The following PPP1R37 variants were observed in gnomAD, a reference collection of about 807,000 sequenced individuals.
PPP1R37 encodes the protein protein phosphatase 1 regulatory subunit 37, also known as leucine rich repeat containing 68.
In PPP1R37, 21 loss-of-function variants were observed where a neutral mutation model predicts 61.0. The ratio of observed to expected loss-of-function variants is 0.34; its 90% CI spans 0.24 to 0.50. The LOEUF (loss-of-function observed/expected upper bound fraction) is 0.50. Ranked by LOEUF, PPP1R37 falls within the 20% of genes least tolerant of loss-of-function variation. The probability of loss-of-function intolerance (pLI) is 0.98; values close to 1 mark genes in which losing one functional copy is unlikely to be tolerated. For synonymous variants in PPP1R37, 443 were observed against 433.5 expected (o/e 1.02, Z -0.27); for missense variants, 910 against 952.7 (o/e 0.96, Z 0.59).
At chr19:45,132,360 C>T (rs1290793598) in intron 1 of PPP1R37, among the ~76,000 whole-genome samples, 1 of 151,714 alleles carries the variant, frequency 6.6e-6, no homozygotes, top group East Asian at 1.9e-4. Context: ...GGCTGGAGTA[C>T]AGCGACACAA....
chr19:45,105,590 GT>G (rs1223995921), intron 1 of PPP1R37, among the ~76,000 whole-genome samples: 1 of 152,136 alleles, frequency 6.6e-6, no homozygotes, highest in Non-Finnish European at 1.5e-5. Context: ...TGTGTCACAG[GT>G]GTCAGGGGCG....
Position 45,144,993 on chromosome 19 carries a change from A to G in PPP1R37, c.1127A>G (p.Glu376Gly). 2.0e-6 allele frequency: 3 copies of G among 1,534,314 alleles called. No individual in the cohort carries two copies. Among genetic ancestry groups the G allele is most frequent in the Non-Finnish European group, 2.6e-6 (3 of 1,146,144 alleles). Residue 376 changes from glutamate (E) to glycine (G), a missense_variant and splice_region_variant, in exon 9 of 13, where the codon GAG becomes GGG. Transcript: ENST00000221462. Reference sequence around the variant, plus strand: ...CTGGCCTCCACCAAGCTCACGTGCGAGGGTAGGGTACGGGGCCGGGCCAGG... The same window carrying G: ...CTGGCCTCCACCAAGCTCACGTGCGGGGGTAGGGTACGGGGCCGGGCCAGG... The part of the protein sequence containing the change: ...LGLASTKLTC[E>G]GAVAVAEFIA...
rs535439811 is a variant in PPP1R37, at chr19:45,121,793, C to T, written c.203-16721C>T. The stretch of plus-strand genomic sequence containing the variant: ...TGGGTTTGACTACATATCAGGCTGC[C>T]CTGGGGCCCCTTTCAGTAAAGATAC... On this transcript the variant is annotated intron_variant, in intron 1 of 12. Coordinates refer to ENST00000221462, the MANE Select transcript of PPP1R37 (RefSeq NM_019121.2). The surrounding 1 kb of genome is among the most constrained non-coding windows in gnomAD (Gnocchi z 4.2). Among the ~76,000 whole-genome samples the T allele has an allele frequency of 8.5e-5, 13 of 152,336 alleles. No homozygotes were observed. The highest frequency in any genetic ancestry group is 3.3e-4 in the Admixed American group (5 of 15,304).
chr19:45,102,192 A>T (rs115706725), intron 1 of PPP1R37, among the ~76,000 whole-genome samples: 3,343 of 151,878 alleles, frequency 0.022, 100 homozygotes, highest in African/African-American at 0.069. Context: ...ACCATCCCAA[A>T]CCCCTCTGGT....
intron 7 of PPP1R37, chr19:45,142,968 C>T (rs1262973999): frequency 6.0e-6 from 1 of 167,052 alleles, no homozygotes; most frequent in Non-Finnish European, 1.3e-5. Flanking sequence ...GGGGGTTGAG[C>T]AGAGAATGGG....
chr19:45,103,993 C>T (rs1021184754), intron 1 of PPP1R37, among the ~76,000 whole-genome samples: 1 of 152,108 alleles, frequency 6.6e-6, no homozygotes, highest in Non-Finnish European at 1.5e-5. Flanking sequence ...AACGCCCAGC[C>T]TCCTAGACAC....
intron 1 of PPP1R37, among the ~76,000 whole-genome samples, chr19:45,112,580 A>T (rs1968215216): frequency 6.6e-6 from 1 of 151,952 alleles, no homozygotes; most frequent in Non-Finnish European, 1.5e-5. Context: ...TGCGAACAAG[A>T]CTCACAGTCC....
rs1968336093 is a variant in PPP1R37 at position 45,121,026 on chromosome 19, AT to A, written c.203-17485del. On this transcript the variant is annotated intron_variant, in intron 1 of 12. Transcript: ENST00000221462. The surrounding 1 kb of genome is among the most constrained non-coding windows in gnomAD (Gnocchi z 4.2). ...CGTCCCCTGGAAAGTTGGGGAGATA[AT>A]TTCTATTTCTCAGGGCCATTAGGAA... 6.6e-6 allele frequency among the ~76,000 whole-genome samples: 1 copy of A among 151,670 alleles called. No individual in the cohort carries two copies. Among genetic ancestry groups the A allele is most frequent in the East Asian group, 1.9e-4 (1 of 5,192 alleles).
chr19:45,094,794 C>T (rs1967971220), intron 1 of PPP1R37, among the ~76,000 whole-genome samples: 1 of 151,290 alleles, frequency 6.6e-6, no homozygotes, highest in African/African-American at 2.4e-5. Flanking sequence ...TGGCCAGTAG[C>T]AGGTGAGAGA....
chr19:45,145,330 C>T (rs758030830), intron 10 of PPP1R37, 23 bp from the exon 11 acceptor site: 20 of 1,528,660 alleles, frequency 1.3e-5, no homozygotes, highest in African/African-American at 1.2e-4. Context: ...CCTGAGAGCC[C>T]TAGCCAGGCG....
At chr19:45,120,863 C>G (rs1968334007) in intron 1 of PPP1R37, among the ~76,000 whole-genome samples, 1 of 152,196 alleles carries the variant, frequency 6.6e-6, no homozygotes, top group Admixed American at 6.5e-5. Flanking sequence ...ATCCACCTGC[C>G]TCAGCCTTGG....
chr19:45,101,860 A>T (rs1442454708), intron 1 of PPP1R37, among the ~76,000 whole-genome samples: 8 of 152,198 alleles, frequency 5.3e-5, no homozygotes, highest in Admixed American at 5.2e-4. Flanking sequence ...GTAGCCTCAT[A>T]TTGGCTGATA....
intron 1 of PPP1R37, chr19:45,128,525 TGA>T: frequency 9.1e-7 from 1 of 1,102,506 alleles, no homozygotes; most frequent in Non-Finnish European, 1.3e-6. Flanking sequence ...AAGACAAGGT[TGA>T]GTCAGTGTGT....
intron 1 of PPP1R37, among the ~76,000 whole-genome samples, chr19:45,122,352 C>G (rs1404681559): frequency 6.6e-6 from 1 of 152,204 alleles, no homozygotes; most frequent in Non-Finnish European, 1.5e-5. Context: ...GGACTCACAC[C>G]TGTGCTGACT....
Position 45,145,392 on chromosome 19 carries a change from G to A in PPP1R37, c.1336G>A (p.Glu446Lys). Residue 446 changes from glutamate (E) to lysine (K), a missense_variant, in exon 11 of 13, where the codon GAG (glutamate) becomes AAG (lysine). By Grantham distance (56) the Glu-to-Lys change is moderately conservative. Around this residue, in one of 3 missense-constraint regions of PPP1R37, gnomAD observed 549 missense variants for 505.1 expected, o/e 1.09. Transcript: ENST00000221462. ...CGAGACGCAGAAGGCGCTGCTGGCC[G>A]AGATCCAGAACGGCTGCAAGCGCAA... ...FIETQKALLAEIQNGCKRNLV... is the reference protein window; with the variant it reads ...FIETQKALLAKIQNGCKRNLV... 1 of 1,535,416 alleles carries A rather than the reference G, an allele frequency of 6.5e-7. No individual in the cohort carries two copies. Among genetic ancestry groups the A allele is most frequent in the Non-Finnish European group, 8.7e-7 (1 of 1,146,604 alleles).
rs544659579 is a variant in PPP1R37 at position 45,130,817 on chromosome 19, C to A, written c.203-7697C>A. On this transcript the variant is annotated intron_variant, in intron 1 of 12. Coordinates refer to ENST00000221462, the MANE Select transcript of PPP1R37 (RefSeq NM_019121.2). The surrounding 1 kb of genome is among the most constrained non-coding windows in gnomAD (Gnocchi z 4.4). ...TGGGGCATGGGAAGGTCATTTCCAG[C>A]CAGAGGTAGCATGGTTGTTACGGAG... Among the ~76,000 whole-genome samples the A allele has an allele frequency of 1.0e-3, 159 of 152,218 alleles. 2 individuals carry two copies. The highest frequency in any genetic ancestry group is 3.8e-3 in the African/African-American group (157 of 41,528).
chr19:45,143,754 C>T lies in PPP1R37; in HGVS notation c.987+121C>T, dbSNP rs376734389. On this transcript the variant is annotated intron_variant, in intron 8 of 12. Transcript: ENST00000221462. Reference sequence around the variant, plus strand: ...TCCTGCCCATCCTGCAGGTTCAAGACGATTTAAACTCAGCCCCACCTGCTT... The same window carrying T: ...TCCTGCCCATCCTGCAGGTTCAAGATGATTTAAACTCAGCCCCACCTGCTT... The T allele has an allele frequency of 1.2e-4, 69 of 579,156 alleles. No individual in the cohort carries two copies. The Middle Eastern group carries it at 2.0e-3, about 17-fold the overall frequency. The allele number at this position is 579,156 out of a possible 1,614,324, so 35.9% of individuals were successfully genotyped here.
At chr19:45,105,328 G>A (rs1030845748) in intron 1 of PPP1R37, among the ~76,000 whole-genome samples, 3 of 152,134 alleles carry the variant, frequency 2.0e-5, no homozygotes, top group South Asian at 2.1e-4. Context: ...AAACAGGCCC[G>A]TCTTTGCTGT....
rs1968714933 is a variant in PPP1R37, at chr19:45,147,142, G to A, written c.*580G>A. ...CCGGGACCCTGCTGTCCAGGCCACT[G>A]GAGGCTGCGCCCTGAGAGGCACTAC... On this transcript the variant is annotated 3_prime_UTR_variant, in exon 13 of 13. Coordinates refer to ENST00000221462, the MANE Select transcript of PPP1R37 (RefSeq NM_019121.2). 6.5e-6 allele frequency: 1 copy of A among 153,138 alleles called. No homozygotes were observed. The highest frequency in any genetic ancestry group is 2.4e-5 in the African/African-American group (1 of 41,466). 9.5% of individuals were successfully genotyped at this position (153,138 alleles called of 1,614,324 possible).
Sources: gnomAD v4.1 joint callset for allele counts (sites outside exome capture counted in the v4.1 genomes callset) on GRCh38, gnomAD v4.1.1 for gene constraint, gnomAD v4.1.1 regional missense constraint, Gnocchi (gnomAD v3.1) non-coding constraint, MANE v1.5 for transcripts, NCBI Gene and HGNC (gene_info 2026-07-23, HGNC 2026-07-21) for gene names.